Variants in COL21A1 observed in about 807,000 individuals in gnomAD.
The protein encoded by COL21A1 is collagen type XXI alpha 1 chain, also known as collagen alpha-1(XXI) chain.
A neutral mutation model predicts 137.9 loss-of-function variants in COL21A1; 149 were observed. The observed-to-expected ratio is 1.08, with a 90% CI of 0.95 to 1.24. The LOEUF (loss-of-function observed/expected upper bound fraction) is 1.24, where lower values mean the gene tolerates loss of function less well. Ranked by LOEUF, COL21A1 falls within the 50% of genes most tolerant of loss-of-function variation. The pLI is 0.00. For synonymous variants in COL21A1, 456 were observed against 391.5 expected (o/e 1.16, Z -1.95); for missense variants, 1,167 against 1,158.4 (o/e 1.01, Z -0.11).
At position 56,057,178 on chromosome 6, in the gene COL21A1, C is replaced by G. The variant is rs2114009584; in HGVS notation, c.*479G>C. 1 of 193,532 alleles carries G rather than the reference C, an allele frequency of 5.2e-6. No homozygotes were observed. The highest frequency in any genetic ancestry group is 1.0e-5 in the Non-Finnish European group (1 of 96,702). The allele number at this position is 193,532 out of a possible 1,614,324, so 12.0% of individuals were successfully genotyped here. ...ACACTGTAGTAAATGAGTAGTTCACCAATACTGTCTATCCCAGGTGAATAT... is the reference window on the plus strand; with the variant it reads ...ACACTGTAGTAAATGAGTAGTTCACGAATACTGTCTATCCCAGGTGAATAT... On this transcript the variant is annotated 3_prime_UTR_variant, in exon 30 of 30. Coordinates refer to ENST00000244728, the MANE Select transcript of COL21A1 (RefSeq NM_030820.4).
chr6:56,299,402 C>T (rs750975226), intron 1 of COL21A1, among the ~76,000 whole-genome samples: 1 of 152,106 alleles, frequency 6.6e-6, no homozygotes, highest in Non-Finnish European at 1.5e-5. Context: ...AGGTCCATTG[C>T]ATGGACAAAT....
At chr6:56,280,826 C>T (rs143495348) in intron 1 of COL21A1, among the ~76,000 whole-genome samples, 1,804 of 152,136 alleles carry the variant, frequency 0.012, 17 homozygotes, top group Non-Finnish European at 0.019. Context: ...CCCTGGGCAA[C>T]ATGGTGAAAC....
intron 1 of COL21A1, among the ~76,000 whole-genome samples, chr6:56,187,510 T>C (rs750354563): frequency 6.6e-6 from 1 of 152,132 alleles, no homozygotes; most frequent in East Asian, 1.9e-4. Flanking sequence ...CAGAACACAA[T>C]AGAGTTTCGG....
chr6:56,099,386 G>A (rs1222970160), intron 17 of COL21A1, among the ~76,000 whole-genome samples: 3 of 151,282 alleles, frequency 2.0e-5, no homozygotes, highest in South Asian at 2.1e-4. Context: ...ACAGGCGCCC[G>A]CCACCACGCC....
rs569995244 is a variant in COL21A1, at chr6:56,210,217, G to C, written c.-38-27561C>G. ...ATGTGTAAACCTATGTAACAAACCTGCACGTTCTGCACATGTACCCCCAAA... is the reference window on the plus strand; with the variant it reads ...ATGTGTAAACCTATGTAACAAACCTCCACGTTCTGCACATGTACCCCCAAA... On this transcript the variant is annotated intron_variant, in intron 1 of 29. Coordinates refer to ENST00000244728, the MANE Select transcript of COL21A1 (RefSeq NM_030820.4). Among the ~76,000 whole-genome samples the C allele has an allele frequency of 1.2e-4, 19 of 152,006 alleles. No individual in the cohort carries two copies. The South Asian group carries it at 3.5e-3, about 28-fold the overall frequency.
intron 10 of COL21A1, among the ~76,000 whole-genome samples, chr6:56,149,732 C>T (rs1775135612): frequency 6.6e-6 from 1 of 152,118 alleles, no homozygotes; most frequent in African/African-American, 2.4e-5. Flanking sequence ...TTAGCTCTAA[C>T]TTCAAAATAT....
rs377752898 is a variant in COL21A1 at position 56,135,909 on chromosome 6, T to G, written c.1542+5876A>C. 1.4e-3 allele frequency among the ~76,000 whole-genome samples: 211 copies of G among 152,314 alleles called. 4 individuals are homozygous for G. Among genetic ancestry groups the G allele is most frequent in the South Asian group, 4.4e-3 (21 of 4,826 alleles). On this transcript the variant is annotated intron_variant, in intron 12 of 29. Coordinates refer to ENST00000244728, the MANE Select transcript of COL21A1 (RefSeq NM_030820.4). Reference sequence around the variant, plus strand: ...AATACAGTTACTTTGTGTTATGTCCTTTATCAGACTCCAACCTCTTTGAGG... The same window carrying G: ...AATACAGTTACTTTGTGTTATGTCCGTTATCAGACTCCAACCTCTTTGAGG...
At chr6:56,168,628 C>T (rs149876302) in intron 5 of COL21A1, among the ~76,000 whole-genome samples, 2 of 152,098 alleles carry the variant, frequency 1.3e-5, no homozygotes, top group East Asian at 3.9e-4. Context: ...TTCATTGCAA[C>T]TTTGGGCCCC....
At chr6:56,102,292 G>A (rs1444417429) in intron 16 of COL21A1, among the ~76,000 whole-genome samples, 1 of 152,092 alleles carries the variant, frequency 6.6e-6, no homozygotes, top group Non-Finnish European at 1.5e-5. Context: ...GCAAAATAAA[G>A]GATAGCAAGG....
chr6:56,264,221 G>C lies in COL21A1; in HGVS notation c.-38-81565C>G, dbSNP rs1165871907. On this transcript the variant is annotated intron_variant, in intron 1 of 28. Coordinates refer to the COL21A1 transcript ENST00000370819. ...ATTTCAAATAAATCCACAAGAAAAG[G>C]GTTTCATAACACGTCCATTCCCATT... is the stretch of plus-strand genomic sequence containing the variant. 2.6e-5 allele frequency among the ~76,000 whole-genome samples: 4 copies of C among 152,122 alleles called. No individual in the cohort carries two copies. In the South Asian group the frequency reaches 8.3e-4, roughly 32 times the overall value.
intron 13 of COL21A1, 118 bp from the exon 14 acceptor site, chr6:56,125,738 A>G: frequency 3.1e-6 from 2 of 650,696 alleles, no homozygotes; most frequent in South Asian, 3.2e-5. Flanking sequence ...CAAAATAGAA[A>G]TAAAATAATT....
At chr6:56,341,384 A>G (rs1231210123) in intron 1 of COL21A1, among the ~76,000 whole-genome samples, 2 of 152,226 alleles carry the variant, frequency 1.3e-5, no homozygotes, top group Admixed American at 1.3e-4. Context: ...AAATCCATAC[A>G]ATGGAATATT....
chr6:56,144,457 A>C (rs1169353692), intron 10 of COL21A1, among the ~76,000 whole-genome samples: 1 of 152,238 alleles, frequency 6.6e-6, no homozygotes, highest in South Asian at 2.1e-4. Flanking sequence ...GAAAGTTACC[A>C]TGGAAATTGG....
chr6:56,060,619 G>T (rs1765705720), intron 27 of COL21A1, 122 bp downstream of exon 27: 1 of 646,732 alleles, frequency 1.5e-6, no homozygotes, highest in Admixed American at 3.7e-5. Flanking sequence ...AAGTAGATGA[G>T]GCTTATAAAT....
chr6:56,317,975 C>T (rs1017508914), intron 1 of COL21A1, among the ~76,000 whole-genome samples: 1 of 152,160 alleles, frequency 6.6e-6, no homozygotes, highest in South Asian at 2.1e-4. Context: ...GACTCCAAGA[C>T]AGTTCAAGGA....
chr6:56,150,261 T>C (rs2152248526), intron 10 of COL21A1, among the ~76,000 whole-genome samples: 1 of 152,272 alleles, frequency 6.6e-6, no homozygotes, highest in Middle Eastern at 3.4e-3. Context: ...GGCTCACGCC[T>C]GTAATCCCAC....
chr6:56,385,076 C>G (rs1183587229), intron 1 of COL21A1, among the ~76,000 whole-genome samples: 1 of 152,168 alleles, frequency 6.6e-6, no homozygotes, highest in African/African-American at 2.4e-5. Context: ...GGAAAGGAAG[C>G]ACTAGAAAGG....
At chr6:56,147,552 C>T (rs1263396271) in intron 10 of COL21A1, among the ~76,000 whole-genome samples, 1 of 151,592 alleles carries the variant, frequency 6.6e-6, no homozygotes, top group Non-Finnish European at 1.5e-5. Flanking sequence ...AGAAACAGGC[C>T]TACATTCACA....
chr6:56,340,356 T>C (rs2038140), intron 1 of COL21A1, among the ~76,000 whole-genome samples: 104,837 of 151,638 alleles, frequency 0.69, 36,450 homozygotes, highest in South Asian at 0.83. Flanking sequence ...GGAGAAGTTG[T>C]GGTGGGGCAG....
Sources: gnomAD v4.1 joint callset for allele counts (sites outside exome capture counted in the v4.1 genomes callset) on GRCh38, gnomAD v4.1.1 for gene constraint, MANE v1.5 for transcripts, NCBI Gene and HGNC (gene_info 2026-07-23, HGNC 2026-07-21) for gene names.